SUGCT: variants seen among roughly 807,000 people sequenced by gnomAD.
The protein encoded by SUGCT is succinyl-CoA:glutarate CoA-transferase.
Under a neutral mutation model 55.0 loss-of-function variants are expected in SUGCT, and 41 were observed. That is an observed-to-expected ratio of 0.74 (90% confidence interval 0.58 to 0.97). SUGCT has a LOEUF of 0.97. Ranked by LOEUF, SUGCT falls within the 50% of genes least tolerant of loss-of-function variation. The pLI is 0.00. For missense variants in SUGCT, 568 were observed against 547.8 expected, an observed-to-expected ratio of 1.04 and a Z score of -0.37; for synonymous variants, 187 against 200.4, an observed-to-expected ratio of 0.93 and a Z score of 0.56.
chr7:40,697,243 A>T (rs1025330922), intron 12 of SUGCT, among the ~76,000 whole-genome samples: 2 of 152,302 alleles, frequency 1.3e-5, no homozygotes, highest in Middle Eastern at 3.4e-3. Flanking sequence ...TTTTCTGTTT[A>T]TAAGTCTATT....
chr7:40,698,722 A>G (rs1584294591), intron 12 of SUGCT, among the ~76,000 whole-genome samples: 1 of 152,344 alleles, frequency 6.6e-6, no homozygotes, highest in African/African-American at 2.4e-5. Context: ...TACTATCCAC[A>G]TAATTCGTGA....
rs757210588 is a variant in SUGCT, at chr7:40,189,632, G to A, written c.363+38G>A. The A allele has an allele frequency of 2.8e-5, 33 of 1,185,646 alleles. No homozygotes were observed. In the South Asian group the frequency reaches 6.0e-4, roughly 22 times the overall value. 73.4% of individuals were successfully genotyped at this position (1,185,646 alleles called of 1,614,324 possible). ...GTATAGAAAGCATCCTACCACCTAGGTTATAATTAGGGTTTGGAATATCAG... is the reference window on the plus strand; with the variant it reads ...GTATAGAAAGCATCCTACCACCTAGATTATAATTAGGGTTTGGAATATCAG... On this transcript the variant is annotated intron_variant, in intron 5 of 13. Transcript: ENST00000335693.
intron 9 of SUGCT, among the ~76,000 whole-genome samples, chr7:40,365,900 T>C (rs1783924826): frequency 6.6e-6 from 1 of 152,136 alleles, no homozygotes; most frequent in Admixed American, 6.5e-5. Context: ...CTTCACAGAA[T>C]TGGAAAAAAC....
chr7:40,474,715 A>G (rs1364329681), intron 11 of SUGCT, among the ~76,000 whole-genome samples: 2 of 152,164 alleles, frequency 1.3e-5, no homozygotes, highest in Non-Finnish European at 2.9e-5. Context: ...GCTAAATGCA[A>G]TCATGGTAGC....
the SUGCT span, among the ~76,000 whole-genome samples, chr7:40,959,333 C>T: frequency 0.052 from 7,976 of 152,304 alleles, 215 homozygotes; most frequent in South Asian, 0.073. Flanking sequence ...CCCCTGACTG[C>T]GGCTGCTGCC....
chr7:40,688,771 CT>C (rs964189235), intron 12 of SUGCT, among the ~76,000 whole-genome samples: 4 of 151,974 alleles, frequency 2.6e-5, no homozygotes, highest in African/African-American at 9.7e-5. Flanking sequence ...AAATTATATT[CT>C]TTTTGAGTTA....
chr7:40,689,573 C>A (rs1784600581), intron 12 of SUGCT, among the ~76,000 whole-genome samples: 1 of 152,134 alleles, frequency 6.6e-6, no homozygotes, highest in Admixed American at 6.5e-5. Context: ...ACTTGTACTT[C>A]CTTCACACTA....
intron 6 of SUGCT, among the ~76,000 whole-genome samples, chr7:40,223,303 C>T (rs1347408775): frequency 6.6e-6 from 1 of 152,148 alleles, no homozygotes; most frequent in Admixed American, 6.5e-5. Context: ...TCAAGTGATC[C>T]ACCCGCCTTG....
At chr7:40,429,588 A>G (rs1562770785) in intron 9 of SUGCT, among the ~76,000 whole-genome samples, 1 of 152,198 alleles carries the variant, frequency 6.6e-6, no homozygotes, top group Non-Finnish European at 1.5e-5. Context: ...GGAAGCATCC[A>G]TCACGGGAGA....
intron 9 of SUGCT, among the ~76,000 whole-genome samples, chr7:40,323,477 A>G (rs1027341299): frequency 2.0e-5 from 3 of 151,996 alleles, no homozygotes; most frequent in Admixed American, 2.0e-4. Flanking sequence ...AGCACATTGC[A>G]GCCTCAAACT....
chr7:40,596,087 C>T (rs1797996173), intron 12 of SUGCT, among the ~76,000 whole-genome samples: 1 of 152,132 alleles, frequency 6.6e-6, no homozygotes, highest in Non-Finnish European at 1.5e-5. Flanking sequence ...TCTTTTCAAA[C>T]TAGAGAATCC....
At chr7:40,834,812 T>G (rs557592522) in intron 13 of SUGCT, among the ~76,000 whole-genome samples, 2 of 152,224 alleles carry the variant, frequency 1.3e-5, no homozygotes, top group African/African-American at 4.8e-5. Flanking sequence ...TTATTTGCCA[T>G]GGCTGTTTAG....
At chr7:40,320,789 A>G (rs1795684177) in intron 9 of SUGCT, among the ~76,000 whole-genome samples, 1 of 152,128 alleles carries the variant, frequency 6.6e-6, no homozygotes, top group South Asian at 2.1e-4. Flanking sequence ...GTTTTTATTT[A>G]CTTATTTTAA....
the SUGCT span, among the ~76,000 whole-genome samples, chr7:40,899,440 A>G: frequency 2.0e-5 from 3 of 152,196 alleles, no homozygotes; most frequent in Non-Finnish European, 2.9e-5. Context: ...GGTGTCAGCC[A>G]TTTACCTCTG....
chr7:40,952,921 A>G, the SUGCT span, among the ~76,000 whole-genome samples: 1 of 152,056 alleles, frequency 6.6e-6, no homozygotes, highest in Non-Finnish European at 1.5e-5. Flanking sequence ...GAATCTGACA[A>G]TTAGGTGTCT....
At chr7:40,575,527 T>C (rs577311745) in intron 12 of SUGCT, among the ~76,000 whole-genome samples, 2 of 152,226 alleles carry the variant, frequency 1.3e-5, no homozygotes, top group East Asian at 1.9e-4. Flanking sequence ...TTGCATCTAC[T>C]TCCCCCCACC....
At chr7:40,821,105 G>C (rs2128766928) in intron 13 of SUGCT, among the ~76,000 whole-genome samples, 1 of 152,286 alleles carries the variant, frequency 6.6e-6, no homozygotes, top group South Asian at 2.1e-4. Flanking sequence ...TGCATCCCAG[G>C]GATGAAGCCC....
At chr7:40,822,721 G>A (rs572187279) in intron 13 of SUGCT, among the ~76,000 whole-genome samples, 89 of 152,232 alleles carry the variant, frequency 5.8e-4, no homozygotes, top group African/African-American at 1.9e-3. Context: ...TTACTCACAC[G>A]TACACTCATC....
At chr7:40,211,154 A>T (rs1239896538) in intron 6 of SUGCT, among the ~76,000 whole-genome samples, 1 of 151,702 alleles carries the variant, frequency 6.6e-6, no homozygotes, top group East Asian at 1.9e-4. Flanking sequence ...TTGTATTTTT[A>T]GTAGAGATGG....
Sources: allele counts gnomAD v4.1 joint callset (sites outside exome capture counted in the v4.1 genomes callset), GRCh38; gene constraint gnomAD v4.1.1; transcripts MANE v1.5; gene names NCBI Gene and HGNC (gene_info 2026-07-23, HGNC 2026-07-21).